ZFHX3: variants seen among roughly 807,000 people sequenced by gnomAD.
The protein encoded by ZFHX3 is zinc finger homeobox 3.
ZFHX3 carries 42 observed loss-of-function variants against 279.1 expected under a neutral mutation model. The ratio of observed to expected loss-of-function variants is 0.15; its 90% CI spans 0.12 to 0.19. The LOEUF (loss-of-function observed/expected upper bound fraction) is 0.19. ZFHX3 is among the 10% of genes least tolerant of loss of function. The probability of loss-of-function intolerance (pLI) is 1.00; values close to 1 mark genes in which losing one functional copy is unlikely to be tolerated. For synonymous variants in ZFHX3, 2,293 were observed against 1,957.8 expected (o/e 1.17, Z -4.52); for missense variants, 4,981 against 4,754.0 (o/e 1.05, Z -1.40).
At chr16:73,445,910 T>C (rs1427513852) in intron 3 of ZFHX3, among the ~76,000 whole-genome samples, 6 of 152,244 alleles carry the variant, frequency 3.9e-5, no homozygotes, top group Admixed American at 6.5e-5. Context: ...TGTCTTGAAA[T>C]GAAGTTCCTG....
At chr16:72,885,826 A>G (rs1192127182) in intron 4 of ZFHX3, among the ~76,000 whole-genome samples, 1 of 152,206 alleles carries the variant, frequency 6.6e-6, no homozygotes, top group Non-Finnish European at 1.5e-5. Flanking sequence ...CCAACTCTAG[A>G]CAGCACAGCC....
chr16:73,843,330 T>C (rs765866850), intron 1 of ZFHX3, among the ~76,000 whole-genome samples: 3 of 152,240 alleles, frequency 2.0e-5, no homozygotes, highest in Non-Finnish European at 4.4e-5. Flanking sequence ...TGCTCTGTTT[T>C]AAAACGTGTG....
At chr16:73,326,460 A>C (rs1479756108) in intron 3 of ZFHX3, among the ~76,000 whole-genome samples, 1 of 152,244 alleles carries the variant, frequency 6.6e-6, no homozygotes, top group Non-Finnish European at 1.5e-5. Flanking sequence ...CACATACCAC[A>C]AAGAGGACGA....
At chr16:73,774,831 G>T (rs1305598781) in intron 1 of ZFHX3, among the ~76,000 whole-genome samples, 1 of 152,172 alleles carries the variant, frequency 6.6e-6, no homozygotes, top group Non-Finnish European at 1.5e-5. Context: ...CCAGGAAGTT[G>T]TTCACAGGAC....
chr16:73,178,879 C>T (rs1468568452), intron 5 of ZFHX3, among the ~76,000 whole-genome samples: 3 of 152,152 alleles, frequency 2.0e-5, no homozygotes, highest in Non-Finnish European at 4.4e-5. Context: ...ATCCATCCAT[C>T]CATGCACCTA....
At chr16:73,772,442 C>T (rs998806008) in intron 1 of ZFHX3, among the ~76,000 whole-genome samples, 2 of 152,178 alleles carry the variant, frequency 1.3e-5, no homozygotes, top group Non-Finnish European at 2.9e-5. Flanking sequence ...AAAGGCCTGC[C>T]CCCATGATTC....
chr16:73,264,450 G>A (rs1251820472), intron 4 of ZFHX3, among the ~76,000 whole-genome samples: 1 of 151,878 alleles, frequency 6.6e-6, no homozygotes, highest in East Asian at 1.9e-4. Context: ...CCTCATATAG[G>A]AGATTCTAGA....
chr16:73,597,389 G>C (rs544658303), intron 2 of ZFHX3, among the ~76,000 whole-genome samples: 91 of 152,346 alleles, frequency 6.0e-4, no homozygotes, highest in Non-Finnish European at 9.4e-4. Context: ...CTCAAGGGCA[G>C]TTAGTGTATC....
chr16:73,307,304 A>G (rs927338053), intron 4 of ZFHX3, among the ~76,000 whole-genome samples: 2 of 152,204 alleles, frequency 1.3e-5, no homozygotes, highest in African/African-American at 4.8e-5. Context: ...GCTGACCTAT[A>G]TTTAGAAAAC....
At chr16:73,762,794 G>A (rs2053885241) in intron 1 of ZFHX3, among the ~76,000 whole-genome samples, 3 of 152,134 alleles carry the variant, frequency 2.0e-5, no homozygotes, top group Admixed American at 6.5e-5. Context: ...CATAGACACA[G>A]GGAGGGGAAT....
chr16:72,827,755 A>G (rs2036968828), intron 5 of ZFHX3, among the ~76,000 whole-genome samples: 2 of 152,116 alleles, frequency 1.3e-5, no homozygotes, highest in South Asian at 2.1e-4. Context: ...TACCTTACAC[A>G]TCGCCTAGGG....
intron 4 of ZFHX3, among the ~76,000 whole-genome samples, chr16:72,858,282 T>TTAA (rs745400198): frequency 6.6e-6 from 1 of 152,134 alleles, no homozygotes; most frequent in African/African-American, 2.4e-5. Flanking sequence ...GAACAGAAGG[T>TTAA]TAATATAAGA....
chr16:73,447,319 C>T (rs1171359499), intron 3 of ZFHX3, among the ~76,000 whole-genome samples: 1 of 152,094 alleles, frequency 6.6e-6, no homozygotes, highest in African/African-American at 2.4e-5. Flanking sequence ...AAGCCATAAT[C>T]TTCAAAAAAA....
chr16:73,125,197 T>TG (rs1413945326), intron 7 of ZFHX3: 1 of 102,728 alleles, frequency 9.7e-6, no homozygotes, highest in Non-Finnish European at 2.1e-5. Flanking sequence ...GGAATTGAGC[T>TG]GTTTTTTTTT....
At chr16:73,730,980 T>G (rs1473925970) in intron 1 of ZFHX3, among the ~76,000 whole-genome samples, 1 of 152,186 alleles carries the variant, frequency 6.6e-6, no homozygotes, top group East Asian at 1.9e-4. Flanking sequence ...GAGTGAAGAC[T>G]TGAAAATCAA....
chr16:73,761,287 AG>A (rs1257831767), intron 1 of ZFHX3, among the ~76,000 whole-genome samples: 1 of 152,216 alleles, frequency 6.6e-6, no homozygotes, highest in African/African-American at 2.4e-5. Context: ...GGGGAAGTGA[AG>A]GACCTCTTCA....
intron 3 of ZFHX3, among the ~76,000 whole-genome samples, chr16:73,324,883 T>C (rs900550196): frequency 5.9e-5 from 9 of 152,234 alleles, no homozygotes; most frequent in Admixed American, 5.9e-4. Context: ...GCCTCGGTTT[T>C]GTGACAGCCC....
At chr16:73,576,340 G>T (rs745438460) in intron 2 of ZFHX3, among the ~76,000 whole-genome samples, 9 of 152,160 alleles carry the variant, frequency 5.9e-5, no homozygotes, top group Non-Finnish European at 1.2e-4. Context: ...TTAATGCGAG[G>T]TCACTCGAGG....
chr16:72,945,401 C>G (rs183671510), intron 3 of ZFHX3, among the ~76,000 whole-genome samples: 41 of 152,260 alleles, frequency 2.7e-4, no homozygotes, highest in African/African-American at 8.4e-4. Flanking sequence ...TCAGTAAGAA[C>G]CCATCAGGCC....
Sources: allele counts gnomAD v4.1 joint callset (sites outside exome capture counted in the v4.1 genomes callset), GRCh38; gene constraint gnomAD v4.1.1; transcripts MANE v1.5; gene names NCBI Gene and HGNC (gene_info 2026-07-23, HGNC 2026-07-21).